The following GATAD2B variants were observed in gnomAD, a reference collection of about 807,000 sequenced individuals.
GATAD2B encodes the protein transcriptional repressor p66-beta.
In GATAD2B, 8 loss-of-function variants were observed where a neutral mutation model predicts 64.3. The observed-to-expected ratio is 0.12, with a 90% CI of 0.07 to 0.22. The LOEUF (loss-of-function observed/expected upper bound fraction) is 0.22. GATAD2B is among the 10% of genes least tolerant of loss of function. The pLI, the probability that GATAD2B is intolerant of heterozygous loss-of-function variation, is 1.00. For missense variants in GATAD2B, 453 were observed against 752.0 expected (o/e 0.60, Z 4.65); for synonymous variants, 281 against 271.3 (o/e 1.04, Z -0.35).
intron 1 of GATAD2B, among the ~76,000 whole-genome samples, chr1:153,918,215 T>C (rs1011210074): frequency 6.6e-6 from 1 of 152,238 alleles, no homozygotes; most frequent in African/African-American, 2.4e-5. Context: ...CTGGCATTAC[T>C]CTGTCTGCAA....
chr1:153,850,853 G>A (rs559027822), intron 1 of GATAD2B, among the ~76,000 whole-genome samples: 29 of 151,900 alleles, frequency 1.9e-4, no homozygotes, highest in African/African-American at 6.8e-4. Context: ...CCTAGGAGGC[G>A]GAGGTTGCAG....
intron 1 of GATAD2B, among the ~76,000 whole-genome samples, chr1:153,840,200 T>C (rs1411549327): frequency 6.8e-6 from 1 of 147,056 alleles, no homozygotes; most frequent in Non-Finnish European, 1.5e-5. Context: ...GCCCGGCTAA[T>C]TTTTTGTATT....
chr1:153,835,217 T>A (rs555250955), intron 1 of GATAD2B, among the ~76,000 whole-genome samples: 2 of 152,288 alleles, frequency 1.3e-5, no homozygotes, highest in East Asian at 3.9e-4. Context: ...CCTGGTAAGA[T>A]GCTGTGAACA....
chr1:153,829,497 G>A (rs1314022938), intron 1 of GATAD2B, among the ~76,000 whole-genome samples: 2 of 152,068 alleles, frequency 1.3e-5, no homozygotes, highest in African/African-American at 4.8e-5. Context: ...CAGCATTTTG[G>A]GAGGCCGAGG....
Position 153,850,657 on chromosome 1 carries a change from C to T in GATAD2B, c.-1-22309G>A, listed in dbSNP as rs762473019. ...TTTGTTGGCCAGGTGCGGTGGCTCA[C>T]ACCTGTAATCCCAGCACTTTGGGAG... is the stretch of plus-strand genomic sequence containing the variant. On this transcript the variant is annotated intron_variant, in intron 1 of 10. Coordinates refer to ENST00000368655, the MANE Select transcript of GATAD2B (RefSeq NM_020699.4). 2.6e-5 allele frequency among the ~76,000 whole-genome samples: 4 copies of T among 152,016 alleles called. 1 individual carries two copies. The highest frequency in any genetic ancestry group is 5.9e-5 in the Non-Finnish European group (4 of 67,982).
At chr1:153,900,759 C>T (rs190979468) in intron 1 of GATAD2B, among the ~76,000 whole-genome samples, 1 of 152,212 alleles carries the variant, frequency 6.6e-6, no homozygotes, top group Admixed American at 6.6e-5. Context: ...TGACTAGTAA[C>T]TCTGACATTG....
In GATAD2B at chr1:153,805,402, CCCTT is replaced by C. The variant is rs1674082838; in HGVS notation, c.*4771_*4774del. ...ACCTGGGGCATTCAATTGTCAACCA[CCCTT>C]AAGGGCTCTGTGGTTGGCTGTGAGA... is the stretch of plus-strand genomic sequence containing the variant. On this transcript the variant is annotated 3_prime_UTR_variant, in exon 11 of 11. Transcript: ENST00000368655. 6.6e-6 allele frequency: 1 copy of C among 152,154 alleles called. No homozygotes were observed. The highest frequency in any genetic ancestry group is 1.9e-4 in the East Asian group (1 of 5,188). 9.4% of individuals were successfully genotyped at this position (152,154 alleles called of 1,614,324 possible).
chr1:153,810,352 G>A (rs1674251612), intron 10 of GATAD2B, 42 bp from the exon 11 acceptor site: 1 of 1,601,078 alleles, frequency 6.2e-7, no homozygotes, highest in African/African-American at 1.3e-5. Context: ...TATTAAAAGA[G>A]GAAATAACAT....
intron 1 of GATAD2B, among the ~76,000 whole-genome samples, chr1:153,841,498 T>C (rs1675496223): frequency 6.6e-6 from 1 of 152,224 alleles, no homozygotes; most frequent in Non-Finnish European, 1.5e-5. Context: ...TAATCTGTTC[T>C]CCATTTCTAA....
Position 153,909,338 on chromosome 1 carries a change from C to T in GATAD2B, c.-2+13395G>A, listed in dbSNP as rs35408418. ...ACGCCATTCTCCTGCCTCAGCCTCC[C>T]GAGTAGCTGGGACTACAGGCGCCCA... On this transcript the variant is annotated intron_variant, in intron 1 of 10. Coordinates refer to ENST00000368655, the MANE Select transcript of GATAD2B (RefSeq NM_020699.4). Among the ~76,000 whole-genome samples the T allele has an allele frequency of 3.0e-3, 455 of 152,020 alleles. 2 individuals are homozygous for T. Among genetic ancestry groups the T allele is most frequent in the Non-Finnish European group, 3.2e-3 (218 of 67,986 alleles).
chr1:153,879,183 G>A (rs964438966), intron 1 of GATAD2B, among the ~76,000 whole-genome samples: 2 of 151,558 alleles, frequency 1.3e-5, no homozygotes, highest in Admixed American at 1.3e-4. Context: ...CTCGTGATCC[G>A]CCCGCCTCAG....
At chr1:153,873,675 G>T (rs1017537421) in intron 1 of GATAD2B, among the ~76,000 whole-genome samples, 41 of 152,308 alleles carry the variant, frequency 2.7e-4, no homozygotes, top group African/African-American at 9.1e-4. Context: ...GGTCATGGTG[G>T]CTCATGCCTG....
At chr1:153,904,708 AT>A (rs954793148) in intron 1 of GATAD2B, among the ~76,000 whole-genome samples, 214 of 144,956 alleles carry the variant, frequency 1.5e-3, no homozygotes, top group Non-Finnish European at 1.9e-3. Flanking sequence ...GGCCCAGCTA[AT>A]TTTTTTTTTT....
At chr1:153,838,467 C>T (rs1252766965) in intron 1 of GATAD2B, among the ~76,000 whole-genome samples, 2 of 151,948 alleles carry the variant, frequency 1.3e-5, no homozygotes, top group African/African-American at 4.8e-5. Flanking sequence ...AGTGCAATGG[C>T]ACAATCTCAG....
chr1:153,815,052 A>C (rs1674406611), intron 7 of GATAD2B, among the ~76,000 whole-genome samples: 2 of 121,114 alleles, frequency 1.7e-5, no homozygotes. Context: ...ACTGTACTCC[A>C]GCCTGGGTGA....
chr1:153,876,875 C>T lies in GATAD2B; in HGVS notation c.-2+45858G>A, dbSNP rs530048068. On this transcript the variant is annotated intron_variant, in intron 1 of 10. Coordinates refer to ENST00000368655, the MANE Select transcript of GATAD2B (RefSeq NM_020699.4). Reference sequence around the variant, plus strand: ...AAAATTAGCTGGGCATGGTGGCAGGCGCCTGTAATTTCAGCTACTCGGGAG... The same window carrying T: ...AAAATTAGCTGGGCATGGTGGCAGGTGCCTGTAATTTCAGCTACTCGGGAG... Among the ~76,000 whole-genome samples, 12 of 151,978 alleles carry T rather than the reference C, an allele frequency of 7.9e-5. 1 individual carries two copies. The Middle Eastern group carries it at 0.02, about 258-fold the overall frequency.
intron 1 of GATAD2B, among the ~76,000 whole-genome samples, chr1:153,841,356 A>G (rs1675487896): frequency 6.6e-6 from 1 of 152,124 alleles, no homozygotes; most frequent in Admixed American, 6.6e-5. Context: ...AAGTTCATGT[A>G]TCCATCATCA....
intron 1 of GATAD2B, among the ~76,000 whole-genome samples, chr1:153,841,989 G>A (rs1273865849): frequency 6.6e-6 from 1 of 152,078 alleles, no homozygotes; most frequent in Admixed American, 6.6e-5. Context: ...AATAGATGGG[G>A]TCTCACTATG....
At chr1:153,866,037 T>C (rs1248679854) in intron 1 of GATAD2B, among the ~76,000 whole-genome samples, 1 of 152,000 alleles carries the variant, frequency 6.6e-6, no homozygotes, top group Non-Finnish European at 1.5e-5. Flanking sequence ...AAACCCTGTC[T>C]ATACAAAAAT....
Sources: gnomAD v4.1 joint callset for allele counts (sites outside exome capture counted in the v4.1 genomes callset) on GRCh38, gnomAD v4.1.1 for gene constraint, MANE v1.5 for transcripts, NCBI Gene and HGNC (gene_info 2026-07-23, HGNC 2026-07-21) for gene names.